SCML2: variants seen among roughly 807,000 people sequenced by gnomAD.
SCML2 encodes Scm polycomb group protein like 2.
In SCML2, 6 loss-of-function variants were observed where a neutral mutation model predicts 48.4. The ratio of observed to expected loss-of-function variants is 0.12; its 90% CI spans 0.07 to 0.24. The LOEUF is 0.24. SCML2 is among the 10% of genes least tolerant of loss of function. The pLI is 1.00. For missense variants in SCML2, 377 were observed against 528.2 expected (o/e 0.71, Z 2.81); for synonymous variants, 181 against 189.5 (o/e 0.95, Z 0.37).
intron 7 of SCML2, among the ~76,000 whole-genome samples, chrX:18,296,119 T>A (rs1376968572): frequency 9.1e-6 from 1 of 109,807 alleles, no homozygotes; most frequent in African/African-American, 3.3e-5. Flanking sequence ...CAGATTCCAA[T>A]GAAAAAGAAA....
chrX:18,278,221 G>T (rs188126660), intron 7 of SCML2, among the ~76,000 whole-genome samples: 1 of 111,970 alleles, frequency 8.9e-6, no homozygotes, highest in East Asian at 2.8e-4. Flanking sequence ...AATTTGGGCA[G>T]ATCTTTGGGG....
rs187021455 is a variant in SCML2 at position 18,332,334 on chromosome X, T to C, written c.23-1679A>G. 4.2e-3 allele frequency among the ~76,000 whole-genome samples: 475 copies of C among 112,527 alleles called. 3 individuals carry two copies. Among genetic ancestry groups the C allele is most frequent in the African/African-American group, 0.015 (454 of 31,074 alleles). On this transcript the variant is annotated intron_variant, in intron 2 of 14. Coordinates refer to ENST00000251900, the MANE Select transcript of SCML2 (RefSeq NM_006089.3). Reference sequence around the variant, plus strand: ...GCTTTTTATTATCATTATGAACTCATGGATTTAAACATACTTGTGTTGCTA... The same window carrying C: ...GCTTTTTATTATCATTATGAACTCACGGATTTAAACATACTTGTGTTGCTA...
chrX:18,249,762 A>C (rs1926577644), intron 11 of SCML2, among the ~76,000 whole-genome samples: 1 of 111,354 alleles, frequency 9.0e-6, no homozygotes, highest in African/African-American at 3.3e-5. Context: ...AGAACACCCT[A>C]ATCTTTCATC....
intron 11 of SCML2, among the ~76,000 whole-genome samples, chrX:18,251,028 G>A (rs1021825187): frequency 1.8e-5 from 2 of 110,286 alleles, no homozygotes; most frequent in African/African-American, 6.6e-5. Flanking sequence ...GAGGGTAACT[G>A]CCCCCATGAT....
intron 5 of SCML2, 44 bp from the exon 6 acceptor site, chrX:18,320,464 T>TTAATAGTATCACAAG: frequency 1.2e-6 from 1 of 815,501 alleles, no homozygotes; most frequent in Non-Finnish European, 1.8e-6. Context: ...AGCCTCCTTG[T>TTAATAGTATCACAAG]GATACTATTA....
chrX:18,277,155 C>T (rs1162378099), intron 7 of SCML2, among the ~76,000 whole-genome samples: 1 of 111,645 alleles, frequency 9.0e-6, no homozygotes, highest in Non-Finnish European at 1.9e-5. Flanking sequence ...ACTGCAGCCT[C>T]GACTTCCCAG....
At chrX:18,330,857 C>G (rs967042710) in intron 2 of SCML2, among the ~76,000 whole-genome samples, 2 of 111,649 alleles carry the variant, frequency 1.8e-5, no homozygotes, top group Non-Finnish European at 3.8e-5. Context: ...CAAATGAAAT[C>G]TCCAAAAGGG....
intron 6 of SCML2, among the ~76,000 whole-genome samples, chrX:18,314,524 T>C (rs368497895): frequency 6.2e-5 from 7 of 112,130 alleles, no homozygotes; most frequent in African/African-American, 2.3e-4. Flanking sequence ...AACAGCCTGA[T>C]AGTCATCACT....
intron 7 of SCML2, among the ~76,000 whole-genome samples, chrX:18,267,663 G>A (rs1927301455): frequency 9.3e-6 from 1 of 107,160 alleles, no homozygotes; most frequent in African/African-American, 3.5e-5. Context: ...TCAGCTCACT[G>A]CAAGCTCCGC....
At chrX:18,321,778 A>G (rs5909176) in intron 5 of SCML2, among the ~76,000 whole-genome samples, 29,813 of 110,180 alleles carry the variant, frequency 0.27, 3,484 homozygotes, top group African/African-American at 0.44. Flanking sequence ...AGATTTTCCT[A>G]AATGTAACAT....
chrX:18,336,299 C>G (rs1307500567), intron 1 of SCML2, among the ~76,000 whole-genome samples: 1 of 108,084 alleles, frequency 9.3e-6, no homozygotes, highest in African/African-American at 3.4e-5. Context: ...ATTAGCTGGG[C>G]GTGGTGGCAT....
intron 6 of SCML2, among the ~76,000 whole-genome samples, chrX:18,316,956 T>A (rs1435613550): frequency 8.9e-6 from 1 of 112,185 alleles, no homozygotes; most frequent in Non-Finnish European, 1.9e-5. Context: ...CATGGGAAAA[T>A]TGTCTTCCAC....
chrX:18,261,498 A>G (rs1371794148), intron 8 of SCML2, among the ~76,000 whole-genome samples: 2 of 110,210 alleles, frequency 1.8e-5, no homozygotes, highest in Non-Finnish European at 3.8e-5. Context: ...GAGGAAGAAA[A>G]TGACAACTTG....
In SCML2 at chrX:18,323,947, T is replaced by C; in HGVS notation, c.309A>G (p.Arg103=). ...LRLRLDGSDN[R]NDFWRLVDSP... is the part of the protein sequence containing the mutation. ...AATCGACAAGCCTCCAAAAATCATTTCTGTTGTCACTACCATCCAGTCGTA... is the reference window on the plus strand; with the variant it reads ...AATCGACAAGCCTCCAAAAATCATTCCTGTTGTCACTACCATCCAGTCGTA... Residue 103 remains arginine (R), a synonymous_variant, in exon 5 of 15, where the codon AGA becomes AGG. Coordinates refer to ENST00000251900, the MANE Select transcript of SCML2 (RefSeq NM_006089.3). 8.3e-7 allele frequency: 1 copy of C among 1,211,360 alleles called. No homozygotes were observed. Among genetic ancestry groups the C allele is most frequent in the East Asian group, 3.0e-5 (1 of 33,834 alleles).
At chrX:18,246,980 CCTTGGTATGGATGCATACA>C (rs1926470430) in intron 12 of SCML2, 152 bp from the exon 13 acceptor site, 6 of 559,999 alleles carry the variant, frequency 1.1e-5, no homozygotes, top group Middle Eastern at 1.1e-3. Flanking sequence ...GCTATCCCCT[CCTTGGTATGGATGCATACA>C]CTGATTGATT....
At chrX:18,350,305 G>C (rs1305823696) in intron 1 of SCML2, among the ~76,000 whole-genome samples, 1 of 109,156 alleles carries the variant, frequency 9.2e-6, no homozygotes. Flanking sequence ...AGATTCGGTG[G>C]CTCATGCCTG....
intron 7 of SCML2, among the ~76,000 whole-genome samples, chrX:18,286,972 G>T (rs1341824056): frequency 1.8e-5 from 2 of 110,014 alleles, no homozygotes; most frequent in African/African-American, 3.3e-5. Context: ...GAACCAGAGG[G>T]TTCTCTTCAT....
chrX:18,312,677 T>C (rs1448122428), intron 6 of SCML2, among the ~76,000 whole-genome samples: 2 of 109,982 alleles, frequency 1.8e-5, no homozygotes, highest in Admixed American at 1.9e-4. Context: ...AAAGAAACAA[T>C]TACCAAGGTT....
chrX:18,288,377 A>T (rs893808802), intron 7 of SCML2, among the ~76,000 whole-genome samples: 1 of 111,805 alleles, frequency 8.9e-6, no homozygotes, highest in Non-Finnish European at 1.9e-5. Context: ...AAATGACAAC[A>T]GTGTCATTAC....
Sources: allele counts gnomAD v4.1 joint callset (sites outside exome capture counted in the v4.1 genomes callset), GRCh38; gene constraint gnomAD v4.1.1; transcripts MANE v1.5; gene names NCBI Gene and HGNC (gene_info 2026-07-23, HGNC 2026-07-21).